The following CNIH2 variants were observed in gnomAD, a reference collection of about 807,000 sequenced individuals.
The protein encoded by CNIH2 is protein cornichon homolog 2.
A neutral mutation model predicts 22.9 loss-of-function variants in CNIH2; 8 were observed. The ratio of observed to expected loss-of-function variants is 0.35; its 90% CI spans 0.20 to 0.63. CNIH2 has a LOEUF of 0.63. Ranked by LOEUF, CNIH2 falls within the 30% of genes least tolerant of loss-of-function variation. The pLI, the probability that CNIH2 is intolerant of heterozygous loss-of-function variation, is 0.72. For synonymous variants in CNIH2, 74 were observed against 78.2 expected (o/e 0.95, Z 0.28); for missense variants, 105 against 206.2 (o/e 0.51, Z 3.01).
At chr11:66,282,927 A>G (rs777564798) in intron 3 of CNIH2, 108 bp from the exon 4 acceptor site, 101 of 1,355,812 alleles carry the variant, frequency 7.4e-5, no homozygotes, top group Non-Finnish European at 7.8e-5. Context: ...TTTAATCCCC[A>G]GAGGTCACGG....
rs138537817 is a variant in CNIH2, at chr11:66,281,018, C to T, written c.82-1241C>T. 7.2e-4 allele frequency among the ~76,000 whole-genome samples: 110 copies of T among 152,310 alleles called. No homozygotes were observed. The Middle Eastern group carries it at 0.014, about 19-fold the overall frequency. On this transcript the variant is annotated intron_variant, in intron 1 of 5. Coordinates refer to ENST00000311445, the MANE Select transcript of CNIH2 (RefSeq NM_182553.3). ...TGGAGAGTTTCCACCCGTGAGGACA[C>T]TGCCGTCTGCCAGACACCCCAACAC...
intron 1 of CNIH2, among the ~76,000 whole-genome samples, chr11:66,280,340 C>T (rs892161921): frequency 2.0e-5 from 3 of 152,224 alleles, no homozygotes. Flanking sequence ...TTTAGCTGGA[C>T]AATCTTAGCA....
intron 1 of CNIH2, among the ~76,000 whole-genome samples, chr11:66,278,925 C>T (rs1266135747): frequency 2.8e-5 from 3 of 108,970 alleles, no homozygotes; most frequent in South Asian, 3.9e-4. Context: ...GCCCCCCCCC[C>T]CCCGCCTTTG....
At position 66,278,650 on chromosome 11, in the gene CNIH2, C is replaced by T. The variant is rs561642880; in HGVS notation, c.81+113C>T. ...AGCCCAGGGGAAACTTGCTATCCCCCAGCCGTCGGCTTGTCGGCTTCGCCC... is the reference window on the plus strand; with the variant it reads ...AGCCCAGGGGAAACTTGCTATCCCCTAGCCGTCGGCTTGTCGGCTTCGCCC... On this transcript the variant is annotated intron_variant, in intron 1 of 5. Coordinates refer to ENST00000311445, the MANE Select transcript of CNIH2 (RefSeq NM_182553.3). 49 of 679,532 alleles carry T rather than the reference C, an allele frequency of 7.2e-5. 1 individual carries two copies. In the South Asian group the frequency reaches 1.3e-3, roughly 18 times the overall value. The allele number at this position is 679,532 out of a possible 1,614,324, so 42.1% of individuals were successfully genotyped here.
intron 1 of CNIH2, among the ~76,000 whole-genome samples, chr11:66,280,506 C>T (rs1857243271): frequency 6.6e-6 from 1 of 152,170 alleles, no homozygotes; most frequent in Non-Finnish European, 1.5e-5. Flanking sequence ...ACCCCAGATC[C>T]CACTCCAGAC....
Position 66,283,074 on chromosome 11 carries a change from C to G in CNIH2, c.238C>G (p.Leu80Val). Reference sequence around the variant, plus strand: ...ATACTCCATCCACGGCCTCTTCTGTCTGATGTTTCTGTGTGCAGCAGAGTG... The same window carrying G: ...ATACTCCATCCACGGCCTCTTCTGTGTGATGTTTCTGTGTGCAGCAGAGTG... ...PEYSIHGLFCLMFLCAAEWVT... is the reference protein window; with the variant it reads ...PEYSIHGLFCVMFLCAAEWVT... Residue 80 changes from leucine to valine, a missense_variant, in exon 4 of 6, where the codon CTG becomes GTG. By Grantham distance (32) the Leu-to-Val change is conservative. Coordinates refer to ENST00000311445, the MANE Select transcript of CNIH2 (RefSeq NM_182553.3). 1 of 1,614,058 alleles carries G rather than the reference C, an allele frequency of 6.2e-7. No individual in the cohort carries two copies.
At chr11:66,281,519 C>T (rs1857258341) in intron 1 of CNIH2, 5 of 455,954 alleles carry the variant, frequency 1.1e-5, no homozygotes, top group Admixed American at 2.4e-5. Flanking sequence ...GACCTGACCA[C>T]CCCACTCTGC....
intron 4 of CNIH2, 42 bp from the exon 5 acceptor site, chr11:66,283,206 G>A (rs372667746): frequency 8.2e-5 from 133 of 1,613,608 alleles, no homozygotes; most frequent in Non-Finnish European, 1.1e-4. Flanking sequence ...GGATGGGGGT[G>A]GGAGTCCTGA....
chr11:66,281,069 TC>T (rs1244880922), intron 1 of CNIH2, among the ~76,000 whole-genome samples: 3 of 152,196 alleles, frequency 2.0e-5, no homozygotes, highest in African/African-American at 7.2e-5. Context: ...ATTTCTGCCT[TC>T]ACTTCTCAGC....
At chr11:66,282,553 G>C in intron 2 of CNIH2, 180 bp from the exon 3 acceptor site, 2 of 844,802 alleles carry the variant, frequency 2.4e-6, no homozygotes. Flanking sequence ...ATGGAGACGC[G>C]GGTGAAGGCC....
rs1857273295 is a variant in CNIH2, at chr11:66,282,430, C to T, written c.150+103C>T. ...GGGAAGACGGGGGTGGGGTGGGGGGCCTACGGCCATGCCCCCTTCCTCTCT... is the reference window on the plus strand; with the variant it reads ...GGGAAGACGGGGGTGGGGTGGGGGGTCTACGGCCATGCCCCCTTCCTCTCT... On this transcript the variant is annotated intron_variant, in intron 2 of 5. Transcript: ENST00000311445. The T allele has an allele frequency of 8.3e-6, 9 of 1,087,142 alleles. No individual in the cohort carries two copies. In the South Asian group the frequency reaches 1.1e-4, roughly 13 times the overall value. The allele number at this position is 1,087,142 out of a possible 1,614,324, so 67.3% of individuals were successfully genotyped here.
Position 66,282,246 on chromosome 11 carries a change from GC to G in CNIH2, c.82-9del, listed in dbSNP as rs999939267. 1.9e-6 allele frequency: 3 copies of G among 1,612,394 alleles called. No homozygotes were observed. The African/African-American group carries it at 4.0e-5, about 22-fold the overall frequency. On this transcript the variant is annotated splice_polypyrimidine_tract_variant and intron_variant, in intron 1 of 5. Transcript: ENST00000311445. ...GCTGCCCCAACCCTGACGGGCACAC[GC>G]CCCTCCCCCAGATCATAGCCTTTGA...
At chr11:66,279,153 G>T (rs917909595) in intron 1 of CNIH2, among the ~76,000 whole-genome samples, 1 of 150,970 alleles carries the variant, frequency 6.6e-6, no homozygotes, top group Non-Finnish European at 1.5e-5. Context: ...AGCCCCCCAG[G>T]TTTCCTCTCC....
intron 1 of CNIH2, 114 bp from the exon 2 acceptor site, chr11:66,282,145 T>TTTGCAA: frequency 2.1e-6 from 2 of 937,850 alleles, no homozygotes; most frequent in South Asian, 2.7e-5. Context: ...TTTCTCCACC[T>TTTGCAA]TTGCAACAAG....
intron 2 of CNIH2, 172 bp from the exon 3 acceptor site, chr11:66,282,561 G>C: frequency 1.2e-6 from 1 of 860,100 alleles, no homozygotes. Context: ...GCGGGTGAAG[G>C]CCCTTCCATG....
Position 66,278,462 on chromosome 11 carries a change from G to T in CNIH2, c.6G>T (p.Ala2=). 7.1e-7 allele frequency: 1 copy of T among 1,407,272 alleles called. No individual in the cohort carries two copies. The highest frequency in any genetic ancestry group is 9.4e-7 in the Non-Finnish European group (1 of 1,069,006). The allele number at this position is 1,407,272 out of a possible 1,614,324, so 87.2% of individuals were successfully genotyped here. ...CGCCGCCCGGCGCGGGGGCCATGGC[G>T]TTCACCTTCGCCGCGTTCTGCTACA... M[A]FTFAAFCYML... Residue 2 remains alanine, a synonymous_variant, in exon 1 of 6, where the codon GCG becomes GCT. Transcript: ENST00000311445.
intron 1 of CNIH2, among the ~76,000 whole-genome samples, chr11:66,279,153 GT>G (rs1857218754): frequency 6.6e-6 from 1 of 150,970 alleles, no homozygotes; most frequent in Non-Finnish European, 1.5e-5. Context: ...AGCCCCCCAG[GT>G]TTCCTCTCCA....
intron 3 of CNIH2, 93 bp from the exon 4 acceptor site, chr11:66,282,942 T>C: frequency 7.4e-7 from 1 of 1,359,804 alleles, no homozygotes; most frequent in Non-Finnish European, 1.0e-6. Context: ...TCACGGTGGG[T>C]GGGCACCTCC....
chr11:66,283,951 C>T lies in CNIH2; in HGVS notation c.*354C>T. The T allele has an allele frequency of 3.9e-6, 1 of 256,040 alleles. No homozygotes were observed. The highest frequency in any genetic ancestry group is 7.7e-6 in the Non-Finnish European group (1 of 130,268). 15.9% of individuals were successfully genotyped at this position (256,040 alleles called of 1,614,324 possible). On this transcript the variant is annotated 3_prime_UTR_variant, in exon 6 of 6. Coordinates refer to ENST00000311445, the MANE Select transcript of CNIH2 (RefSeq NM_182553.3). ...TTGACCCTGGAAATTCTGGGCCATC[C>T]CCCTCCACCCCCACCCTGAGGCTCC...
Sources: gnomAD v4.1 joint callset for allele counts (sites outside exome capture counted in the v4.1 genomes callset) on GRCh38, gnomAD v4.1.1 for gene constraint, MANE v1.5 for transcripts, NCBI Gene and HGNC (gene_info 2026-07-23, HGNC 2026-07-21) for gene names.